LRRC47: variants seen among roughly 807,000 people sequenced by gnomAD.
LRRC47 encodes the protein leucine rich repeat containing 47.
LRRC47 carries 31 observed loss-of-function variants against 40.9 expected under a neutral mutation model. The ratio of observed to expected loss-of-function variants is 0.76; its 90% CI spans 0.57 to 1.02. The LOEUF is 1.02. LRRC47 is among the 50% of genes least tolerant of loss of function. LRRC47 has a pLI of 0.00. For synonymous variants in LRRC47, 427 were observed against 371.9 expected, an observed-to-expected ratio of 1.15 and a Z score of -1.70; for missense variants, 726 against 796.1, an observed-to-expected ratio of 0.91 and a Z score of 1.06.
intron 1 of LRRC47, 92 bp downstream of exon 1, chr1:3,795,770 C>T (rs981653844): frequency 2.0e-4 from 272 of 1,379,284 alleles, no homozygotes; most frequent in Non-Finnish European, 1.8e-4. Context: ...CCCCAGGGGG[C>T]GTCACTAGGA....
chr1:3,779,527 T>C lies in LRRC47; in HGVS notation c.*1561A>G, dbSNP rs1218947577. The C allele has an allele frequency of 2.0e-5, 3 of 152,130 alleles. No individual in the cohort carries two copies. Among genetic ancestry groups the C allele is most frequent in the African/African-American group, 7.2e-5 (3 of 41,412 alleles). 9.4% of individuals were successfully genotyped at this position (152,130 alleles called of 1,614,324 possible). A position where few individuals can be genotyped will look rare whatever the true frequency, so the allele number is the denominator to read the frequency against. On this transcript the variant is annotated 3_prime_UTR_variant, in exon 7 of 7. Transcript: ENST00000378251. ...TGCACGCACATGTGGTGCCTGGACA[T>C]ACACGAAGACACATGGACGTGGGGG...
Position 3,780,977 on chromosome 1 carries a change from A to C in LRRC47, c.*111T>G. The C allele has an allele frequency of 1.3e-6, 2 of 1,506,348 alleles. No homozygotes were observed. Among genetic ancestry groups the C allele is most frequent in the South Asian group, 1.3e-5 (1 of 75,700 alleles). The allele number at this position is 1,506,348 out of a possible 1,614,324, so 93.3% of individuals were successfully genotyped here. On this transcript the variant is annotated 3_prime_UTR_variant, in exon 7 of 7. Transcript: ENST00000378251. Reference sequence around the variant, plus strand: ...GCGACAGAGCGAGACTCCATCTCAAAAAAAAAAACCAACAAAAAAACTGGG... The same window carrying C: ...GCGACAGAGCGAGACTCCATCTCAACAAAAAAAACCAACAAAAAAACTGGG...
At chr1:3,790,028 G>C (rs1237430847) in intron 1 of LRRC47, among the ~76,000 whole-genome samples, 1 of 152,202 alleles carries the variant, frequency 6.6e-6, no homozygotes. Context: ...CACCTGATGG[G>C]ATGAAATGCC....
intron 2 of LRRC47, 143 bp downstream of exon 2, chr1:3,786,706 G>A (rs1305587894): frequency 2.5e-6 from 2 of 787,594 alleles, no homozygotes; most frequent in Non-Finnish European, 3.9e-6. Flanking sequence ...TTTTGGAGCT[G>A]AGGAAACTGA....
At chr1:3,792,482 A>G (rs1480874922) in intron 1 of LRRC47, among the ~76,000 whole-genome samples, 1 of 57,894 alleles carries the variant, frequency 1.7e-5, no homozygotes, top group African/African-American at 1.3e-4. Flanking sequence ...TTTTTTTGAG[A>G]CGCAGTCTCA....
intron 1 of LRRC47, among the ~76,000 whole-genome samples, chr1:3,789,584 G>T (rs1643608684): frequency 6.6e-6 from 1 of 152,234 alleles, no homozygotes; most frequent in Admixed American, 6.5e-5. Flanking sequence ...AAGGATGATG[G>T]CGGGCACTCG....
chr1:3,781,613 A>C lies in LRRC47; in HGVS notation c.1414-12T>G. ...GTCGTTTTCTTAACCTTAAAAGAAA[A>C]AAACATTTCAGAAAAGAACAGTTAT... On this transcript the variant is annotated splice_polypyrimidine_tract_variant and intron_variant, in intron 5 of 6. Coordinates refer to ENST00000378251, the MANE Select transcript of LRRC47 (RefSeq NM_020710.3). The C allele has an allele frequency of 6.3e-7, 1 of 1,599,924 alleles. No individual in the cohort carries two copies. Among genetic ancestry groups the C allele is most frequent in the East Asian group, 2.2e-5 (1 of 44,654 alleles).
chr1:3,785,256 G>A (rs1393041348), intron 2 of LRRC47, 53 bp from the exon 3 acceptor site: 10 of 1,326,650 alleles, frequency 7.5e-6, no homozygotes, highest in East Asian at 2.8e-5. Flanking sequence ...GAAGCCCAGC[G>A]AGGTGTCCAC....
At position 3,796,480 on chromosome 1, in the gene LRRC47, G is replaced by A. The variant is rs549833599; in HGVS notation, c.-4C>T. The A allele has an allele frequency of 4.0e-6, 6 of 1,504,798 alleles. No individual in the cohort carries two copies. Among genetic ancestry groups the A allele is most frequent in the East Asian group, 5.5e-5 (2 of 36,310 alleles). 93.2% of individuals were successfully genotyped at this position (1,504,798 alleles called of 1,614,324 possible). A position where few individuals can be genotyped will look rare whatever the true frequency, so the allele number is the denominator to read the frequency against. ...CTGACACCGCTGCCGCCGCCATGGC[G>A]CCTCAGCTGCTGGCAGGCACCCACC... On this transcript the variant is annotated 5_prime_UTR_variant, in exon 1 of 7. Coordinates refer to ENST00000378251, the MANE Select transcript of LRRC47 (RefSeq NM_020710.3).
intron 1 of LRRC47, among the ~76,000 whole-genome samples, chr1:3,793,925 G>A (rs748986871): frequency 1.3e-5 from 2 of 152,104 alleles, no homozygotes; most frequent in Non-Finnish European, 2.9e-5. Flanking sequence ...GGCCGGGCGC[G>A]GTGGCTCATG....
chr1:3,791,153 G>A (rs909504559), intron 1 of LRRC47, among the ~76,000 whole-genome samples: 2 of 152,176 alleles, frequency 1.3e-5, no homozygotes, highest in African/African-American at 4.8e-5. Context: ...CACGCCAGCT[G>A]AGCACAGCCA....
intron 5 of LRRC47, among the ~76,000 whole-genome samples, chr1:3,782,293 C>A (rs1643528200): frequency 6.6e-6 from 1 of 151,920 alleles, no homozygotes; most frequent in South Asian, 2.1e-4. Context: ...TCTCGACTCA[C>A]TGCAACCTCT....
rs376383407 is a variant in LRRC47 at position 3,787,228 on chromosome 1, C to A, written c.698G>T (p.Arg233Leu). Residue 233 changes from arginine to leucine, a missense_variant, in exon 2 of 7, where the codon CGT becomes CTT. Transcript: ENST00000378251. ...GCGCTTGTCCCTCAGCTTGTTCCCA[C>A]GGAAATTGATCTCCTTGAGCTTGGG... ...DCPKLKEINF[R>L]GNKLRDKRLE... The A allele has an allele frequency of 3.1e-6, 5 of 1,613,630 alleles. No individual in the cohort carries two copies. The highest frequency in any genetic ancestry group is 3.4e-6 in the Non-Finnish European group (4 of 1,180,058).
chr1:3,789,005 G>A (rs922769704), intron 1 of LRRC47, among the ~76,000 whole-genome samples: 3 of 152,212 alleles, frequency 2.0e-5, no homozygotes, highest in African/African-American at 7.2e-5. Flanking sequence ...CTCAGCACAG[G>A]GTGGGCTGGG....
chr1:3,789,613 A>G (rs1322219935), intron 1 of LRRC47, among the ~76,000 whole-genome samples: 1 of 152,236 alleles, frequency 6.6e-6, no homozygotes, highest in Non-Finnish European at 1.5e-5. Flanking sequence ...TCTTCCTTCC[A>G]GGCAAAGACT....
At chr1:3,795,772 T>A in intron 1 of LRRC47, 90 bp downstream of exon 1, 1 of 1,387,434 alleles carries the variant, frequency 7.2e-7, no homozygotes. Flanking sequence ...CCAGGGGGCG[T>A]CACTAGGAAC....
rs1484723221 is a variant in LRRC47 at position 3,785,119 on chromosome 1, G to A, written c.1162C>T (p.Leu388=). 6.2e-7 allele frequency: 1 copy of A among 1,601,746 alleles called. No homozygotes were observed. Among genetic ancestry groups the A allele is most frequent in the Non-Finnish European group, 8.5e-7 (1 of 1,174,448 alleles). The stretch of plus-strand genomic sequence containing the variant: ...TCCTGTGGGGGCCGGGCGCAGTACA[G>A]CAGGGGCCCTTTGACGGCACGGAGC... ...HELRAVKGPL[L]YCARPPQDLK... Residue 388 remains leucine, a synonymous_variant, in exon 3 of 7, where the codon CTG becomes TTG. Transcript: ENST00000378251.
rs767685483 is a variant in LRRC47 at position 3,787,038 on chromosome 1, C to T, written c.888G>A (p.Gly296=). 6.2e-7 allele frequency: 1 copy of T among 1,612,886 alleles called. No individual in the cohort carries two copies. The highest frequency in any genetic ancestry group is 8.5e-7 in the Non-Finnish European group (1 of 1,179,556). ...CGGCATCTCCCACGTCCTGCTCCTC[C>T]CCATCACCACCTTCCCGCCTCTGCT... ...ERKQRREGGD[G]EEQDVGDAGR... Residue 296 remains glycine, a synonymous_variant, in exon 2 of 7, where the codon GGG becomes GGA. Coordinates refer to ENST00000378251, the MANE Select transcript of LRRC47 (RefSeq NM_020710.3).
chr1:3,784,970 G>C (rs1448777031), intron 3 of LRRC47, 117 bp downstream of exon 3: 1 of 600,310 alleles, frequency 1.7e-6, no homozygotes. Context: ...ACTCCAGCCT[G>C]GGCAACAATG....
Sources: allele counts gnomAD v4.1 joint callset (sites outside exome capture counted in the v4.1 genomes callset), GRCh38; gene constraint gnomAD v4.1.1; transcripts MANE v1.5; gene names NCBI Gene and HGNC (gene_info 2026-07-23, HGNC 2026-07-21).